Variants in JAZF1 observed in about 807,000 individuals in gnomAD.
The protein encoded by JAZF1 is JAZF zinc finger 1.
In JAZF1, 8 loss-of-function variants were observed where a neutral mutation model predicts 26.4. The ratio of observed to expected loss-of-function variants is 0.30; its 90% confidence interval spans 0.18 to 0.55. The LOEUF is 0.55. Ranked by LOEUF, JAZF1 falls within the 20% of genes least tolerant of loss-of-function variation. The pLI is 0.94. For missense variants in JAZF1, 199 were observed against 322.0 expected (o/e 0.62, Z 2.92); for synonymous variants, 126 against 122.3 (o/e 1.03, Z -0.20).
At chr7:28,069,902 T>C (rs1783949014) in intron 1 of JAZF1, among the ~76,000 whole-genome samples, 1 of 152,140 alleles carries the variant, frequency 6.6e-6, no homozygotes, top group African/African-American at 2.4e-5. Context: ...CTGTCGGCCA[T>C]GAGCTCGTTA....
chr7:28,022,607 A>C (rs1027803807), intron 1 of JAZF1, among the ~76,000 whole-genome samples: 8 of 152,254 alleles, frequency 5.3e-5, no homozygotes, highest in Non-Finnish European at 1.5e-5. Context: ...ATAATCAACT[A>C]TCCAAACATA....
chr7:28,176,145 G>C (rs1279478190), intron 1 of JAZF1, among the ~76,000 whole-genome samples: 1 of 152,170 alleles, frequency 6.6e-6, no homozygotes, highest in Non-Finnish European at 1.5e-5. Flanking sequence ...GTTGATATTC[G>C]GGGTCAGGAA....
rs569311635 is a variant in JAZF1, at chr7:28,107,069, G to A, written c.115+73394C>T. On this transcript the variant is annotated intron_variant, in intron 1 of 4. Transcript: ENST00000283928. ...CTACAAATTCCTAATTGCAGCAGAA[G>A]CATCTAAGCTTTGATGACTCAAGCT... 4.6e-5 allele frequency among the ~76,000 whole-genome samples: 7 copies of A among 152,312 alleles called. No homozygotes were observed. The East Asian group carries it at 1.2e-3, about 25-fold the overall frequency.
intron 3 of JAZF1, among the ~76,000 whole-genome samples, chr7:27,872,644 G>C (rs1783603723): frequency 6.6e-6 from 1 of 152,190 alleles, no homozygotes; most frequent in Admixed American, 6.5e-5. Context: ...ATGAACATCT[G>C]TTACTTACTT....
chr7:28,012,305 T>G (rs1782812131), intron 1 of JAZF1, among the ~76,000 whole-genome samples: 1 of 152,198 alleles, frequency 6.6e-6, no homozygotes, highest in African/African-American at 2.4e-5. Context: ...TATTTCTGGC[T>G]TACAGCATGG....
chr7:27,906,454 C>G (rs1342741731), intron 2 of JAZF1, among the ~76,000 whole-genome samples: 1 of 152,206 alleles, frequency 6.6e-6, no homozygotes, highest in African/African-American at 2.4e-5. Context: ...AACAAAATCC[C>G]ATTCCTGAAT....
chr7:27,979,086 C>T (rs1252920490), intron 2 of JAZF1, among the ~76,000 whole-genome samples: 2 of 152,064 alleles, frequency 1.3e-5, no homozygotes, highest in African/African-American at 2.4e-5. Context: ...ACCATTACTG[C>T]ACCAAGTAGT....
rs186050516 is a variant in JAZF1, at chr7:28,004,738, C to T, written c.116-12757G>A. On this transcript the variant is annotated intron_variant, in intron 1 of 4. Transcript: ENST00000283928. ...CATGATCTCAGCTTACTGCAACCTCCGCCTCTTGGGTTCAAGTGATTCTCG... is the reference window on the plus strand; with the variant it reads ...CATGATCTCAGCTTACTGCAACCTCTGCCTCTTGGGTTCAAGTGATTCTCG... Among the ~76,000 whole-genome samples, 371 of 152,280 alleles carry T rather than the reference C, an allele frequency of 2.4e-3. 1 individual carries two copies. Among genetic ancestry groups the T allele is most frequent in the Admixed American group, 4.8e-3 (74 of 15,290 alleles).
intron 2 of JAZF1, among the ~76,000 whole-genome samples, chr7:27,957,445 T>C (rs1785117068): frequency 6.6e-6 from 1 of 152,188 alleles, no homozygotes; most frequent in Non-Finnish European, 1.5e-5. Context: ...CTGCAGGATT[T>C]CAAACGACGC....
At chr7:27,934,537 A>C (rs1279394926) in intron 2 of JAZF1, among the ~76,000 whole-genome samples, 1 of 152,174 alleles carries the variant, frequency 6.6e-6, no homozygotes, top group African/African-American at 2.4e-5. Context: ...CCAGATTGTT[A>C]TGATAAATGC....
intron 2 of JAZF1, among the ~76,000 whole-genome samples, chr7:27,912,721 G>A (rs1455251091): frequency 6.6e-6 from 1 of 152,096 alleles, no homozygotes; most frequent in East Asian, 1.9e-4. Context: ...TGGGGCTTGG[G>A]TGACTATTTA....
intron 1 of JAZF1, among the ~76,000 whole-genome samples, chr7:28,050,884 A>G (rs1013627833): frequency 2.0e-5 from 3 of 152,194 alleles, no homozygotes; most frequent in Non-Finnish European, 4.4e-5. Context: ...CTGTAATCCC[A>G]GCACTTTGGG....
chr7:27,883,891 T>G (rs191551809), intron 3 of JAZF1, among the ~76,000 whole-genome samples: 1 of 152,338 alleles, frequency 6.6e-6, no homozygotes, highest in African/African-American at 2.4e-5. Flanking sequence ...TTCCTTAGTG[T>G]TGCCATGCTA....
At chr7:27,975,165 G>A (rs564908324) in intron 2 of JAZF1, among the ~76,000 whole-genome samples, 5 of 152,224 alleles carry the variant, frequency 3.3e-5, no homozygotes, top group East Asian at 1.9e-4. Context: ...GATTACAGGC[G>A]TGAGTCACCG....
At chr7:28,011,044 G>A (rs966032683) in intron 1 of JAZF1, among the ~76,000 whole-genome samples, 4 of 152,174 alleles carry the variant, frequency 2.6e-5, no homozygotes, top group Non-Finnish European at 5.9e-5. Flanking sequence ...TCACCTGGCA[G>A]GGTGTTTCTG....
chr7:28,139,573 G>A (rs1429652676), intron 1 of JAZF1, among the ~76,000 whole-genome samples: 4 of 152,148 alleles, frequency 2.6e-5, no homozygotes, highest in Non-Finnish European at 4.4e-5. Context: ...ACCTGGTATC[G>A]ACCCTTCCCT....
At chr7:27,834,602 G>A (rs1487896695) in intron 4 of JAZF1, among the ~76,000 whole-genome samples, 1 of 152,224 alleles carries the variant, frequency 6.6e-6, no homozygotes, top group Non-Finnish European at 1.5e-5. Context: ...TACTGGGGCA[G>A]GAAAGGGGAG....
intron 2 of JAZF1, among the ~76,000 whole-genome samples, chr7:27,900,502 G>A (rs1188014462): frequency 6.6e-6 from 1 of 152,110 alleles, no homozygotes; most frequent in Non-Finnish European, 1.5e-5. Context: ...ATTGGCTATG[G>A]CAGGAGTATT....
chr7:28,106,096 CTG>C (rs1265569486), intron 1 of JAZF1, among the ~76,000 whole-genome samples: 1 of 152,170 alleles, frequency 6.6e-6, no homozygotes, highest in African/African-American at 2.4e-5. Flanking sequence ...ACTGTGAATG[CTG>C]TCTTACAGGT....
Sources: allele counts gnomAD v4.1 joint callset (sites outside exome capture counted in the v4.1 genomes callset), GRCh38; gene constraint gnomAD v4.1.1; transcripts MANE v1.5; gene names NCBI Gene and HGNC (gene_info 2026-07-23, HGNC 2026-07-21).